The following TAF4 variants were observed in gnomAD, a reference collection of about 807,000 sequenced individuals.
TAF4 encodes TATA-box binding protein associated factor 4.
TAF4 carries 9 observed loss-of-function variants against 90.3 expected under a neutral mutation model. The observed-to-expected ratio is 0.10, with a 90% CI of 0.06 to 0.17. TAF4 has a LOEUF of 0.17. Ranked by LOEUF, TAF4 falls within the 10% of genes least tolerant of loss-of-function variation. The pLI, the probability that TAF4 is intolerant of heterozygous loss-of-function variation, is 1.00. For missense variants in TAF4, 1,351 were observed against 1,370.7 expected (o/e 0.99, Z 0.23); for synonymous variants, 818 against 638.9 (o/e 1.28, Z -4.23).
chr20:62,043,460 CT>C (rs1205561800), intron 1 of TAF4, among the ~76,000 whole-genome samples: 4 of 152,042 alleles, frequency 2.6e-5, no homozygotes, highest in Non-Finnish European at 5.9e-5. Flanking sequence ...AGAAAGAAAA[CT>C]GTGTTTTTAT....
Position 61,998,849 on chromosome 20 carries a change from C to T in TAF4, c.2913+134G>A. 4 of 1,118,532 alleles carry T rather than the reference C, an allele frequency of 3.6e-6. No homozygotes were observed. The Admixed American group carries it at 6.7e-5, about 19-fold the overall frequency. The allele number at this position is 1,118,532 out of a possible 1,614,324, so 69.3% of individuals were successfully genotyped here. A position where few individuals can be genotyped will look rare whatever the true frequency, so the allele number is the denominator to read the frequency against. On this transcript the variant is annotated intron_variant, in intron 12 of 14. Coordinates refer to ENST00000252996, the MANE Select transcript of TAF4 (RefSeq NM_003185.4). ...CTTCTCTTTGCAGCTCCACTGACAGCACCCATCACCTTTGCTTCAAGGCCA... is the reference window on the plus strand; with the variant it reads ...CTTCTCTTTGCAGCTCCACTGACAGTACCCATCACCTTTGCTTCAAGGCCA...
At chr20:62,007,781 C>A (rs112671807) in intron 5 of TAF4, 145 bp from the exon 6 acceptor site, 1 of 712,820 alleles carries the variant, frequency 1.4e-6, no homozygotes, top group East Asian at 2.9e-5. Flanking sequence ...CTGCGTGCTA[C>A]ACCTTTCACA....
At chr20:62,017,985 A>G (rs2055822061) in intron 1 of TAF4, among the ~76,000 whole-genome samples, 1 of 149,284 alleles carries the variant, frequency 6.7e-6, no homozygotes, top group Admixed American at 6.6e-5. Context: ...GCCATGGGTC[A>G]CTGTGAAAAT....
chr20:62,011,872 C>A (rs573488392), intron 3 of TAF4, among the ~76,000 whole-genome samples: 1 of 152,324 alleles, frequency 6.6e-6, no homozygotes, highest in East Asian at 1.9e-4. Context: ...TCACAGACAC[C>A]AGGTGACCAA....
chr20:62,044,342 A>G (rs2055980945), intron 1 of TAF4, among the ~76,000 whole-genome samples: 1 of 152,248 alleles, frequency 6.6e-6, no homozygotes, highest in South Asian at 2.1e-4. Context: ...TAATAGGAGA[A>G]AAAGAATATA....
chr20:62,030,771 C>T (rs1013236025), intron 1 of TAF4, among the ~76,000 whole-genome samples: 10 of 152,200 alleles, frequency 6.6e-5, no homozygotes, highest in Non-Finnish European at 5.9e-5. Flanking sequence ...ACTGGCCCCA[C>T]AAAATGTATC....
chr20:62,013,737 G>C (rs778039440), intron 2 of TAF4, among the ~76,000 whole-genome samples: 2 of 152,234 alleles, frequency 1.3e-5, no homozygotes, highest in Non-Finnish European at 2.9e-5. Context: ...CACGGCAGGA[G>C]ACGGGGCAGG....
chr20:61,985,647 G>A (rs2055583729), intron 14 of TAF4, among the ~76,000 whole-genome samples: 1 of 151,444 alleles, frequency 6.6e-6, no homozygotes, highest in Admixed American at 6.6e-5. Flanking sequence ...CATCTACTGT[G>A]GGGGATGAGA....
At chr20:62,020,658 C>G (rs951651327) in intron 1 of TAF4, among the ~76,000 whole-genome samples, 5 of 152,140 alleles carry the variant, frequency 3.3e-5, no homozygotes, top group African/African-American at 9.7e-5. Flanking sequence ...TGAGGAAGGC[C>G]CAGCATCAAC....
At chr20:61,977,757 G>C (rs2055505253) in intron 14 of TAF4, among the ~76,000 whole-genome samples, 1 of 152,204 alleles carries the variant, frequency 6.6e-6, no homozygotes. Context: ...CCGCACCTGA[G>C]GGCCAGGCCT....
At chr20:61,997,039 C>A (rs1029367849) in intron 14 of TAF4, among the ~76,000 whole-genome samples, 3 of 151,842 alleles carry the variant, frequency 2.0e-5, no homozygotes, top group African/African-American at 7.3e-5. Context: ...TAAAAAAAAA[C>A]AACTGACAGT....
chr20:62,022,786 G>A (rs953463122), intron 1 of TAF4, among the ~76,000 whole-genome samples: 1 of 152,208 alleles, frequency 6.6e-6, no homozygotes, highest in Non-Finnish European at 1.5e-5. Flanking sequence ...CCCGGCGCAG[G>A]CGCTACCACC....
chr20:62,011,371 C>T (rs1211805151), intron 3 of TAF4, among the ~76,000 whole-genome samples: 1 of 152,178 alleles, frequency 6.6e-6, no homozygotes, highest in Non-Finnish European at 1.5e-5. Context: ...CTCCTAAGAA[C>T]ACATATTTCA....
At chr20:62,008,303 AAGG>A (rs2055758981) in intron 5 of TAF4, 2 of 152,476 alleles carry the variant, frequency 1.3e-5, no homozygotes, top group Non-Finnish European at 2.9e-5. Context: ...TCAGGCGGAC[AAGG>A]AGAAGGCACG....
At chr20:62,039,770 T>C (rs768512865) in intron 1 of TAF4, among the ~76,000 whole-genome samples, 2 of 152,084 alleles carry the variant, frequency 1.3e-5, no homozygotes, top group Non-Finnish European at 2.9e-5. Flanking sequence ...ATCTAGAAAA[T>C]ACATTTTAAA....
intron 14 of TAF4, among the ~76,000 whole-genome samples, chr20:61,988,514 G>GT (rs1216635214): frequency 1.3e-5 from 2 of 152,184 alleles, no homozygotes; most frequent in Admixed American, 6.5e-5. Flanking sequence ...TAACTTTCCT[G>GT]TAAGTATAGA....
intron 1 of TAF4, among the ~76,000 whole-genome samples, chr20:62,034,321 C>G (rs761605413): frequency 2.6e-5 from 4 of 151,998 alleles, no homozygotes; most frequent in Non-Finnish European, 5.9e-5. Flanking sequence ...AATTAGAAAA[C>G]GCAATTTTTT....
At chr20:62,033,126 C>A (rs2055913505) in intron 1 of TAF4, among the ~76,000 whole-genome samples, 1 of 152,136 alleles carries the variant, frequency 6.6e-6, no homozygotes, top group Non-Finnish European at 1.5e-5. Flanking sequence ...CAGAGGGCCA[C>A]CCACAGGAGA....
intron 14 of TAF4, among the ~76,000 whole-genome samples, chr20:61,989,004 G>A (rs548654216): frequency 2.6e-5 from 4 of 152,222 alleles, no homozygotes; most frequent in South Asian, 2.1e-4. Context: ...CTGGTTACAC[G>A]GAAGAAAAAA....
Sources: gnomAD v4.1 joint callset for allele counts (sites outside exome capture counted in the v4.1 genomes callset) on GRCh38, gnomAD v4.1.1 for gene constraint, MANE v1.5 for transcripts, NCBI Gene and HGNC (gene_info 2026-07-23, HGNC 2026-07-21) for gene names.